ATP8A2: variants seen among roughly 807,000 people sequenced by gnomAD.
ATP8A2 encodes phospholipid-transporting ATPase IB.
Under a neutral mutation model 165.6 loss-of-function variants are expected in ATP8A2, and 100 were observed. The observed-to-expected ratio is 0.60, with a 90% CI of 0.51 to 0.71. The LOEUF is 0.71. ATP8A2 is among the 30% of genes least tolerant of loss of function. ATP8A2 has a pLI of 0.00. For synonymous variants in ATP8A2, 543 were observed against 548.8 expected, an observed-to-expected ratio of 0.99 and a Z score of 0.15; for missense variants, 1,227 against 1,479.5, an observed-to-expected ratio of 0.83 and a Z score of 2.80.
At chr13:25,640,077 C>T (rs927165223) in intron 24 of ATP8A2, among the ~76,000 whole-genome samples, 3 of 152,058 alleles carry the variant, frequency 2.0e-5, no homozygotes, top group Admixed American at 1.3e-4. Context: ...CAAAACATAC[C>T]AGAATCTCTG....
intron 24 of ATP8A2, among the ~76,000 whole-genome samples, chr13:25,641,354 C>A (rs567472318): frequency 3.7e-4 from 56 of 152,132 alleles, no homozygotes; most frequent in African/African-American, 1.3e-3. Flanking sequence ...ATTTAGAAAA[C>A]CCCATCGTTT....
chr13:25,559,002 A>G lies in ATP8A2; in HGVS notation c.1293A>G (p.Gly431=), dbSNP rs1281744841. 4 of 1,612,368 alleles carry G rather than the reference A, an allele frequency of 2.5e-6. No individual in the cohort carries two copies. In the African/African-American group the frequency reaches 5.3e-5, roughly 22 times the overall value. The stretch of plus-strand genomic sequence containing the variant: ...AATATCTCTTTTCTGACAAGACTGG[A>G]ACGCTTACATGCAATATCATGAACT... ...QVKYLFSDKT[G]TLTCNIMNFK... is the part of the protein sequence containing the mutation. Residue 431 remains glycine (G), a synonymous_variant, in exon 14 of 37, where the codon GGA becomes GGG. Transcript: ENST00000381655.
chr13:25,445,562 A>T (rs1575639), intron 1 of ATP8A2, among the ~76,000 whole-genome samples: 62,578 of 151,882 alleles, frequency 0.41, 13,965 homozygotes, highest in East Asian at 0.6. Context: ...ATTGATTTTT[A>T]AAAAAAATTT....
intron 25 of ATP8A2, among the ~76,000 whole-genome samples, chr13:25,743,978 A>T (rs1402605768): frequency 6.6e-6 from 1 of 152,208 alleles, no homozygotes; most frequent in Admixed American, 6.5e-5. Context: ...CTATGACTAC[A>T]TCTACTACTT....
intron 35 of ATP8A2, among the ~76,000 whole-genome samples, 170 bp downstream of exon 35, chr13:25,968,849 G>A (rs1955847845): frequency 6.6e-6 from 1 of 152,158 alleles, no homozygotes; most frequent in East Asian, 1.9e-4. Flanking sequence ...GTGACTACAT[G>A]AAACCTAAAT....
chr13:25,829,650 G>A (rs1234009257), intron 28 of ATP8A2, among the ~76,000 whole-genome samples: 2 of 117,496 alleles, frequency 1.7e-5, no homozygotes, highest in African/African-American at 6.4e-5. Flanking sequence ...TTTTGTTGTA[G>A]AGCCAAGGAC....
chr13:25,537,304 C>A (rs1043098197), intron 6 of ATP8A2, among the ~76,000 whole-genome samples: 1 of 152,132 alleles, frequency 6.6e-6, no homozygotes, highest in Admixed American at 6.6e-5. Flanking sequence ...TTTACTGTTG[C>A]CTTTTAATCA....
At position 25,901,678 on chromosome 13, in the gene ATP8A2, TAAC is replaced by T. The variant is rs139278447; in HGVS notation, c.3183+39273_3183+39275del. ...GAGACATGCTTAAAATTGGCGCTGA[TAAC>T]AAAGAAACTACTATGAATGGCTGAG... On this transcript the variant is annotated intron_variant, in intron 33 of 36. Coordinates refer to ENST00000381655, the MANE Select transcript of ATP8A2 (RefSeq NM_016529.6). Among the ~76,000 whole-genome samples, 617 of 152,330 alleles carry T rather than the reference TAAC, an allele frequency of 4.1e-3. 2 individuals carry two copies. Among genetic ancestry groups the T allele is most frequent in the African/African-American group, 0.014 (588 of 41,576 alleles).
chr13:25,950,139 A>G (rs1025767808), intron 33 of ATP8A2, among the ~76,000 whole-genome samples: 1 of 151,984 alleles, frequency 6.6e-6, no homozygotes, highest in Non-Finnish European at 1.5e-5. Context: ...CTCGTTTTAA[A>G]CCTGTCCCAT....
intron 26 of ATP8A2, among the ~76,000 whole-genome samples, chr13:25,771,978 G>T (rs1028341839): frequency 7.2e-5 from 11 of 152,128 alleles, no homozygotes; most frequent in Non-Finnish European, 1.5e-4. Context: ...TACCCTCAGG[G>T]TTATTATACT....
chr13:25,614,342 G>T (rs1000263153), intron 24 of ATP8A2, among the ~76,000 whole-genome samples: 1 of 152,126 alleles, frequency 6.6e-6, no homozygotes, highest in African/African-American at 2.4e-5. Flanking sequence ...TTCTTTAAGT[G>T]TGTCCTTCAT....
intron 30 of ATP8A2, among the ~76,000 whole-genome samples, chr13:25,859,053 A>G (rs1205453512): frequency 6.6e-6 from 1 of 152,036 alleles, no homozygotes; most frequent in African/African-American, 2.4e-5. Flanking sequence ...AAATACAAAA[A>G]TTAGCCAGGC....
rs770650015 is a variant in ATP8A2 at position 26,019,856 on chromosome 13, T to G, written c.3470-32T>G. On this transcript the variant is annotated intron_variant, in intron 36 of 36. Coordinates refer to ENST00000381655, the MANE Select transcript of ATP8A2 (RefSeq NM_016529.6). ...TAGTGTGCTCCCCCAATTCTCCTGT[T>G]AACCAGTTTCTCCTGTGTGCTTCAC... 81 of 1,522,192 alleles carry G rather than the reference T, an allele frequency of 5.3e-5. 1 individual carries two copies. The highest frequency in any genetic ancestry group is 3.4e-4 in the Middle Eastern group (2 of 5,862). 94.3% of individuals were successfully genotyped at this position (1,522,192 alleles called of 1,614,324 possible). A position where few individuals can be genotyped will look rare whatever the true frequency, so the allele number is the denominator to read the frequency against.
At chr13:25,792,996 GGA>G (rs900789873) in intron 27 of ATP8A2, among the ~76,000 whole-genome samples, 16 of 149,984 alleles carry the variant, frequency 1.1e-4, no homozygotes, top group African/African-American at 3.2e-4. Context: ...GAGGGATAGG[GGA>G]GAGAGGGGAG....
At position 25,469,150 on chromosome 13, in the gene ATP8A2, A is replaced by G; in HGVS notation, c.221+29A>G. ...GGAGAAGGCGGCCGGCTCGCGCGGA[A>G]GGCGGTGGAGTCACAGCTGGGAAGG... On this transcript the variant is annotated intron_variant, in intron 2 of 36. Coordinates refer to ENST00000381655, the MANE Select transcript of ATP8A2 (RefSeq NM_016529.6). 3 of 1,610,532 alleles carry G rather than the reference A, an allele frequency of 1.9e-6. No homozygotes were observed. The South Asian group carries it at 3.3e-5, about 18-fold the overall frequency.
chr13:25,745,850 G>A (rs950409459), intron 25 of ATP8A2, among the ~76,000 whole-genome samples: 1 of 152,178 alleles, frequency 6.6e-6, no homozygotes, highest in African/African-American at 2.4e-5. Flanking sequence ...CTCTAGTTCA[G>A]TTTCTTAGGA....
chr13:25,703,509 G>C (rs1457849080), intron 25 of ATP8A2, among the ~76,000 whole-genome samples: 1 of 152,130 alleles, frequency 6.6e-6, no homozygotes, highest in Admixed American at 6.6e-5. Context: ...ATACTTGTAT[G>C]TGCATGTCCA....
intron 1 of ATP8A2, among the ~76,000 whole-genome samples, chr13:25,399,896 T>TC (rs1335690424): frequency 2.7e-5 from 1 of 37,010 alleles, no homozygotes; most frequent in Non-Finnish European, 7.1e-5. Context: ...CTCCTCCTCC[T>TC]CTTATTCTTC....
intron 24 of ATP8A2, among the ~76,000 whole-genome samples, chr13:25,669,230 G>C (rs1392754888): frequency 6.6e-6 from 1 of 152,030 alleles, no homozygotes. Context: ...CATCTGTTTA[G>C]TGATTTTTCC....
Sources: allele counts gnomAD v4.1 joint callset (sites outside exome capture counted in the v4.1 genomes callset), GRCh38; gene constraint gnomAD v4.1.1; transcripts MANE v1.5; gene names NCBI Gene and HGNC (gene_info 2026-07-23, HGNC 2026-07-21).